TG: variants seen among roughly 807,000 people sequenced by gnomAD.
TG encodes the protein thyroglobulin, also known as thyroid hormones.
In TG, 270 loss-of-function variants were observed where a neutral mutation model predicts 324.7. The ratio of observed to expected loss-of-function variants is 0.83; its 90% CI spans 0.75 to 0.92. The LOEUF is 0.92. Among genes scored for constraint, TG ranks in the 40% least tolerant of loss-of-function variants. TG has a pLI of 0.00. For synonymous variants in TG, 1,401 were observed against 1,327.0 expected (o/e 1.06, Z -1.21); for missense variants, 3,591 against 3,456.4 (o/e 1.04, Z -0.98).
At chr8:133,043,812 A>C (rs1838777743) in intron 41 of TG, among the ~76,000 whole-genome samples, 1 of 152,236 alleles carries the variant, frequency 6.6e-6, no homozygotes, top group Non-Finnish European at 1.5e-5. Flanking sequence ...GAATGCCAAC[A>C]AAGTTGCCCC....
chr8:133,031,740 A>G (rs1451242397), intron 41 of TG, among the ~76,000 whole-genome samples: 80 of 152,262 alleles, frequency 5.3e-4, no homozygotes, highest in Non-Finnish European at 5.9e-5. Context: ...CCTGCCACGC[A>G]TCTCTCTCCA....
chr8:133,072,744 C>T (rs1328279423), intron 41 of TG, among the ~76,000 whole-genome samples: 1 of 152,178 alleles, frequency 6.6e-6, no homozygotes, highest in Admixed American at 6.5e-5. Flanking sequence ...CCAGATTTCA[C>T]AATTTAGAAT....
At chr8:132,932,791 C>T (rs1365258778) in intron 23 of TG, among the ~76,000 whole-genome samples, 1 of 152,210 alleles carries the variant, frequency 6.6e-6, no homozygotes, top group African/African-American at 2.4e-5. Flanking sequence ...TCTATTCTAT[C>T]ATTCAATCCC....
intron 25 of TG, among the ~76,000 whole-genome samples, chr8:132,940,043 A>T (rs1291963304): frequency 6.6e-6 from 1 of 152,026 alleles, no homozygotes; most frequent in Non-Finnish European, 1.5e-5. Flanking sequence ...CATTGTACAG[A>T]TGGGAAGCTT....
At chr8:132,964,400 T>C (rs1433533620) in intron 29 of TG, among the ~76,000 whole-genome samples, 2 of 152,046 alleles carry the variant, frequency 1.3e-5, no homozygotes, top group Admixed American at 6.6e-5. Flanking sequence ...GTAGATAAAG[T>C]GCCTGGAGAA....
At chr8:132,868,041 G>C (rs1488638203) in intron 1 of TG, 74 bp from the exon 2 acceptor site, 1 of 1,342,844 alleles carries the variant, frequency 7.4e-7, no homozygotes, top group East Asian at 2.3e-5. Context: ...AAGCATCTGT[G>C]CTTATGAGAG....
At chr8:132,955,271 A>G (rs1207302836) in intron 27 of TG, among the ~76,000 whole-genome samples, 2 of 152,200 alleles carry the variant, frequency 1.3e-5, no homozygotes, top group Non-Finnish European at 2.9e-5. Context: ...ATTAGCAAAC[A>G]GGCCCAGAAA....
At chr8:133,040,589 G>C (rs1176073411) in intron 41 of TG, among the ~76,000 whole-genome samples, 1 of 152,104 alleles carries the variant, frequency 6.6e-6, no homozygotes, top group African/African-American at 2.4e-5. Flanking sequence ...ATACAGCGCT[G>C]ATCCCCCCAG....
intron 45 of TG, among the ~76,000 whole-genome samples, chr8:133,122,699 C>T (rs1386854417): frequency 6.6e-6 from 1 of 152,140 alleles, no homozygotes; most frequent in African/African-American, 2.4e-5. Flanking sequence ...TGGTGTTTAG[C>T]TCAGAGCCGG....
chr8:133,112,722 A>G (rs964820364), intron 43 of TG, among the ~76,000 whole-genome samples: 1 of 152,168 alleles, frequency 6.6e-6, no homozygotes, highest in Non-Finnish European at 1.5e-5. Flanking sequence ...TGGCCATCCT[A>G]TATAAAATAG....
chr8:132,888,558 G>A lies in TG; in HGVS notation c.2751G>A (p.Lys917=). 1 of 1,611,220 alleles carries A rather than the reference G, an allele frequency of 6.2e-7. No homozygotes were observed. Among genetic ancestry groups the A allele is most frequent in the Non-Finnish European group, 8.5e-7 (1 of 1,179,376 alleles). The change falls in exon 10 of 48, where the codon AAG becomes AAA. Residue 917 remains lysine, a synonymous_variant. Transcript: ENST00000220616. ...AAGGAATGCGGTCTGAGCCAAGCAAGCTCCCAACATGTGAGCTAACGCATA... is the reference window on the plus strand; with the variant it reads ...AAGGAATGCGGTCTGAGCCAAGCAAACTCCCAACATGTGAGCTAACGCATA... ...ELEGMRSEPS[K]LPTCPGSCEE...
intron 41 of TG, among the ~76,000 whole-genome samples, chr8:133,061,703 T>C (rs1208548763): frequency 6.6e-6 from 1 of 152,180 alleles, no homozygotes; most frequent in African/African-American, 2.4e-5. Context: ...TACCTGTGTC[T>C]GCAGCTCAGG....
At chr8:133,104,695 G>C (rs912750004) in intron 43 of TG, among the ~76,000 whole-genome samples, 1 of 152,186 alleles carries the variant, frequency 6.6e-6, no homozygotes, top group Non-Finnish European at 1.5e-5. Context: ...GCTCTTGTAG[G>C]TCATGGGAGA....
At chr8:132,872,747 TG>T (rs1298346619) in intron 4 of TG, among the ~76,000 whole-genome samples, 3 of 152,180 alleles carry the variant, frequency 2.0e-5, no homozygotes. Context: ...ACCGTTTCTA[TG>T]CTTAGGTATG....
intron 27 of TG, among the ~76,000 whole-genome samples, chr8:132,950,467 A>G (rs1158229671): frequency 6.6e-6 from 1 of 152,096 alleles, no homozygotes; most frequent in Non-Finnish European, 1.5e-5. Flanking sequence ...ACACCTTTAT[A>G]TCCTGCATTT....
chr8:133,067,634 G>A (rs139292268), intron 41 of TG, among the ~76,000 whole-genome samples: 2 of 152,178 alleles, frequency 1.3e-5, no homozygotes, highest in South Asian at 4.1e-4. Context: ...AAATTAGCTG[G>A]GTGTGGTGGC....
intron 43 of TG, among the ~76,000 whole-genome samples, chr8:133,112,981 G>A (rs1239860168): frequency 6.6e-6 from 1 of 152,164 alleles, no homozygotes; most frequent in African/African-American, 2.4e-5. Context: ...GAGTGACTGA[G>A]TCCATGAATG....
chr8:133,021,683 T>C (rs1394629417), intron 39 of TG, among the ~76,000 whole-genome samples: 1 of 152,204 alleles, frequency 6.6e-6, no homozygotes, highest in Non-Finnish European at 1.5e-5. Flanking sequence ...CCTTGTGTCT[T>C]TATGTGGCCT....
At chr8:132,999,145 G>A (rs1167809168) in intron 35 of TG, among the ~76,000 whole-genome samples, 1 of 152,098 alleles carries the variant, frequency 6.6e-6, no homozygotes, top group Non-Finnish European at 1.5e-5. Flanking sequence ...CAGGTTCAGG[G>A]GGTAGCAGTG....
Sources: gnomAD v4.1 joint callset for allele counts (sites outside exome capture counted in the v4.1 genomes callset) on GRCh38, gnomAD v4.1.1 for gene constraint, MANE v1.5 for transcripts, NCBI Gene and HGNC (gene_info 2026-07-23, HGNC 2026-07-21) for gene names.